PITRM1: variants seen among roughly 807,000 people sequenced by gnomAD.
The protein encoded by PITRM1 is presequence protease, mitochondrial.
A neutral mutation model predicts 129.9 loss-of-function variants in PITRM1; 100 were observed. The observed-to-expected ratio is 0.77, with a 90% CI of 0.65 to 0.91. The LOEUF (loss-of-function observed/expected upper bound fraction) is 0.91. PITRM1 is among the 40% of genes least tolerant of loss of function. The probability of loss-of-function intolerance (pLI) is 0.00; values close to 1 mark genes in which losing one functional copy is unlikely to be tolerated. For synonymous variants in PITRM1, 591 were observed against 508.8 expected (o/e 1.16, Z -2.17); for missense variants, 1,471 against 1,318.3 (o/e 1.12, Z -1.79).
chr10:3,159,344 A>G lies in PITRM1; in HGVS notation c.1008-302T>C, dbSNP rs187509114. ...GGCAGCACCATTAAGGAGACAAGGA[A>G]CAAGCCAGGAGAGGTGCCAGCCACG... On this transcript the variant is annotated intron_variant, in intron 9 of 26. Transcript: ENST00000224949. Among the ~76,000 whole-genome samples the G allele has an allele frequency of 4.1e-3, 621 of 152,366 alleles. 1 individual carries two copies. The highest frequency in any genetic ancestry group is 8.4e-3 in the Admixed American group (129 of 15,306).
chr10:3,138,542 C>T (rs1588616500), intron 25 of PITRM1: 2 of 610,526 alleles, frequency 3.3e-6, no homozygotes, highest in East Asian at 5.5e-5. Context: ...ACGCCTGCTT[C>T]TGCAGCAGGG....
intron 21 of PITRM1, chr10:3,145,178 ACTCT>A (rs773490299): frequency 1.5e-4 from 27 of 175,680 alleles, no homozygotes; most frequent in Non-Finnish European, 3.7e-5. Context: ...CTAGACTACA[ACTCT>A]CTAAGTTAAT....
At chr10:3,151,496 T>C in intron 14 of PITRM1, 133 bp from the exon 15 acceptor site, 1 of 628,060 alleles carries the variant, frequency 1.6e-6, no homozygotes, top group Non-Finnish European at 2.9e-6. Flanking sequence ...AGGAGCACTG[T>C]GGTTTGCAAA....
chr10:3,163,038 T>C (rs989065406), intron 7 of PITRM1: 5 of 152,378 alleles, frequency 3.3e-5, no homozygotes, highest in East Asian at 1.9e-4. Flanking sequence ...CAAATGATCA[T>C]GACGTCTATA....
At chr10:3,156,789 A>G (rs142650280) in intron 13 of PITRM1, 141 bp downstream of exon 13, 1 of 562,584 alleles carries the variant, frequency 1.8e-6, no homozygotes, top group East Asian at 3.2e-5. Context: ...AAGTTAATGT[A>G]AGCATTTAAA....
intron 24 of PITRM1, among the ~76,000 whole-genome samples, chr10:3,140,417 G>A (rs1588624599): frequency 6.6e-6 from 1 of 152,246 alleles, no homozygotes; most frequent in Non-Finnish European, 1.5e-5. Context: ...CAAACCCACG[G>A]ATGGAGGCAC....
At chr10:3,172,830 G>C, upstream of PITRM1, 1 of 1,509,842 alleles carries the variant, frequency 6.6e-7, no homozygotes, top group South Asian at 1.2e-5. Context: ...CGCAGGGCGC[G>C]GGGCGGGGCT....
chr10:3,141,816 G>C, intron 23 of PITRM1: 2 of 296,940 alleles, frequency 6.7e-6, no homozygotes, highest in Non-Finnish European at 7.2e-6. Flanking sequence ...GGCTGTGGTG[G>C]GAGAAGTCAC....
At chr10:3,167,399 TG>T (rs1842965170) in intron 2 of PITRM1, among the ~76,000 whole-genome samples, 1 of 152,364 alleles carries the variant, frequency 6.6e-6, no homozygotes, top group South Asian at 2.1e-4. Context: ...TTTCTAATCA[TG>T]TCACATATAA....
rs572476455 is a variant in PITRM1 at position 3,166,391 on chromosome 10, A to AGAGCAATGGCACGCTAGGGAAGGC, written c.267-12_267-11insGCCTTCCCTAGCGTGCCATTGCTC. 5 of 1,395,452 alleles carry AGAGCAATGGCACGCTAGGGAAGGC rather than the reference A, an allele frequency of 3.6e-6. No individual in the cohort carries two copies. Among genetic ancestry groups the AGAGCAATGGCACGCTAGGGAAGGC allele is most frequent in the African/African-American group, 1.5e-5 (1 of 67,208 alleles). 86.4% of individuals were successfully genotyped at this position (1,395,452 alleles called of 1,614,324 possible). A position where few individuals can be genotyped will look rare whatever the true frequency, so the allele number is the denominator to read the frequency against. On this transcript the variant is annotated splice_polypyrimidine_tract_variant and intron_variant, in intron 3 of 26. Transcript: ENST00000224949. Reference sequence around the variant, plus strand: ...GTACGGAACTGCACGCTAGGGAAGGAGAATGACCAGAACGCAAAAGGTTCA... The same window carrying AGAGCAATGGCACGCTAGGGAAGGC: ...GTACGGAACTGCACGCTAGGGAAGGAGAGCAATGGCACGCTAGGGAAGGCGAATGACCAGAACGCAAAAGGTTCA...
At position 3,147,982 on chromosome 10, in the gene PITRM1, G is replaced by A; in HGVS notation, c.2069+5C>T. 1 of 1,604,180 alleles carries A rather than the reference G, an allele frequency of 6.2e-7. No homozygotes were observed. The highest frequency in any genetic ancestry group is 8.5e-7 in the Non-Finnish European group (1 of 1,170,902). ...AGAATGGACAACTCTTGCAAATAAA[G>A]TTACTTGTTAAATATTTCACTCCAT... On this transcript the variant is annotated splice_donor_5th_base_variant and intron_variant, in intron 18 of 26. Coordinates refer to ENST00000224949, the MANE Select transcript of PITRM1 (RefSeq NM_014889.4).
rs767432568 is a variant in PITRM1, at chr10:3,149,667, C to T, written c.1825G>A (p.Glu609Lys). 73 of 1,604,644 alleles carry T rather than the reference C, an allele frequency of 4.5e-5. No homozygotes were observed. Among genetic ancestry groups the T allele is most frequent in the Non-Finnish European group, 5.7e-5 (67 of 1,176,578 alleles). ...RAFSSLNTLP[E>K]ELRPYVPLFC... ...AGGGGCACATAGGGCCTCAGCTCCTCGGGGAGTGTGTTCAGGCTGGAGAAG... is the reference window on the plus strand; with the variant it reads ...AGGGGCACATAGGGCCTCAGCTCCTTGGGGAGTGTGTTCAGGCTGGAGAAG... The change falls in exon 16 of 27, where the codon GAG becomes AAG. Residue 609 changes from glutamate to lysine, a missense_variant. Glu to Lys is a moderately conservative substitution (Grantham distance 56). Coordinates refer to ENST00000224949, the MANE Select transcript of PITRM1 (RefSeq NM_014889.4).
Position 3,159,011 on chromosome 10 carries a change from T to G in PITRM1, c.1039A>C (p.Ser347Arg). ...GAAGTCAAGAGTGAAGACAGAAGAC[T>G]TAATGTGAAGGCTTCAAATGTGTCG... ...ITDTFEAFTL[S>R]LLSSLLTSGP... Residue 347 changes from serine to arginine, a missense_variant, in exon 10 of 27, where the codon AGT becomes CGT. By Grantham distance (110) the Ser-to-Arg change is moderately radical (BLOSUM62 -1). Transcript: ENST00000224949. 1.9e-6 allele frequency: 3 copies of G among 1,613,430 alleles called. No individual in the cohort carries two copies. Among genetic ancestry groups the G allele is most frequent in the Non-Finnish European group, 2.5e-6 (3 of 1,179,714 alleles).
chr10:3,157,218 A>G (rs1217293565), intron 12 of PITRM1, 154 bp from the exon 13 acceptor site: 3 of 776,906 alleles, frequency 3.9e-6, no homozygotes, highest in Non-Finnish European at 5.8e-6. Context: ...TTGGATGGAG[A>G]AACAAAAAAA....
At position 3,171,146 on chromosome 10, in the gene PITRM1, T is replaced by TAAAAAAAAAAAAAAAAAAAA. The variant is rs1588736135; in HGVS notation, c.57-941_57-940insTTTTTTTTTTTTTTTTTTTT. On this transcript the variant is annotated intron_variant, in intron 1 of 26. Transcript: ENST00000224949. ...GATAAAGTGCGGACTAATCGTTCAA[T>TAAAAAAAAAAAAAAAAAAAA]TAAAAAAAAAAAAAAAAAAAAAAAA... 1.8e-3 allele frequency among the ~76,000 whole-genome samples: 67 copies of TAAAAAAAAAAAAAAAAAAAA among 36,262 alleles called. 24 individuals are homozygous for TAAAAAAAAAAAAAAAAAAAA. Among genetic ancestry groups the TAAAAAAAAAAAAAAAAAAAA allele is most frequent in the Non-Finnish European group, 2.6e-3 (49 of 18,702 alleles). 23.8% of individuals were successfully genotyped at this position (36,262 alleles called of 152,430 possible). A position where few individuals can be genotyped will look rare whatever the true frequency, so the allele number is the denominator to read the frequency against.
chr10:3,148,909 A>T (rs1841215113), intron 16 of PITRM1: 1 of 152,304 alleles, frequency 6.6e-6, no homozygotes. Context: ...AACCTTCAAA[A>T]CCCTGAAGAC....
In PITRM1 at chr10:3,148,197, C is replaced by T. The variant is rs1298331571; in HGVS notation, c.1966G>A (p.Asp656Asn). The change falls in exon 17 of 27, where the codon GAC becomes AAC. Residue 656 changes from aspartate (D) to asparagine (N), a missense_variant. Asp to Asn is a conservative substitution (Grantham distance 23). Coordinates refer to ENST00000224949, the MANE Select transcript of PITRM1 (RefSeq NM_014889.4). Reference protein sequence around the residue: ...MSASPHVLPDDSHMDTYEQGV... With the variant: ...MSASPHVLPDNSHMDTYEQGV... ...TGCTCGTAGGTGTCCATGTGTGAGT[C>T]GTCGGGGAGCACGTGGGGAGAAGCA... 1.2e-6 allele frequency: 2 copies of T among 1,613,936 alleles called. No individual in the cohort carries two copies. Among genetic ancestry groups the T allele is most frequent in the Non-Finnish European group, 1.7e-6 (2 of 1,179,898 alleles).
At chr10:3,145,355 G>A in intron 21 of PITRM1, 1 of 495,510 alleles carries the variant, frequency 2.0e-6, no homozygotes, top group Non-Finnish European at 3.6e-6. Context: ...ACTACTCACT[G>A]CAAGGCACAG....
rs111942480 is a variant in PITRM1 at position 3,142,557 on chromosome 10, T to C, written c.2645+832A>G. ...CCAAAGGTGCACGTCTGTGAGTCTG[T>C]CCTGGTCTGGCCAGTTTCCCCAGAT... On this transcript the variant is annotated intron_variant, in intron 23 of 26. Transcript: ENST00000224949. 1.8e-3 allele frequency among the ~76,000 whole-genome samples: 271 copies of C among 152,382 alleles called. 2 individuals carry two copies. The highest frequency in any genetic ancestry group is 6.3e-3 in the African/African-American group (261 of 41,594).
Sources: gnomAD v4.1 joint callset for allele counts (sites outside exome capture counted in the v4.1 genomes callset) on GRCh38, gnomAD v4.1.1 for gene constraint, MANE v1.5 for transcripts, NCBI Gene and HGNC (gene_info 2026-07-23, HGNC 2026-07-21) for gene names.